Variants in SUGCT observed in about 807,000 individuals in gnomAD.
SUGCT encodes succinyl-CoA:glutarate-CoA transferase.
SUGCT carries 41 observed loss-of-function variants against 55.0 expected under a neutral mutation model. The observed-to-expected ratio is 0.74, with a 90% confidence interval of 0.58 to 0.97. The LOEUF (loss-of-function observed/expected upper bound fraction) is 0.97. Among genes scored for constraint, SUGCT ranks in the 50% least tolerant of loss-of-function variants. The probability of loss-of-function intolerance (pLI) is 0.00; values close to 1 mark genes in which losing one functional copy is unlikely to be tolerated. For missense variants in SUGCT, 568 were observed against 547.8 expected (o/e 1.04, Z -0.37); for synonymous variants, 187 against 200.4 (o/e 0.93, Z 0.56).
the SUGCT span, among the ~76,000 whole-genome samples, chr7:41,024,054 G>T: frequency 6.6e-6 from 1 of 152,198 alleles, no homozygotes; most frequent in African/African-American, 2.4e-5. Context: ...AAGACAACAT[G>T]CATGTATGTG....
At chr7:40,235,448 C>T (rs1194189030) in intron 6 of SUGCT, among the ~76,000 whole-genome samples, 2 of 152,158 alleles carry the variant, frequency 1.3e-5, no homozygotes, top group Admixed American at 1.3e-4. Flanking sequence ...CTGTCTTAGC[C>T]TCCCAAGTAG....
At chr7:40,514,474 C>T (rs920832208) in intron 12 of SUGCT, among the ~76,000 whole-genome samples, 2 of 151,738 alleles carry the variant, frequency 1.3e-5, no homozygotes, top group East Asian at 1.9e-4. Flanking sequence ...TTTGAGAGGC[C>T]GAGGAGGCTG....
At chr7:40,405,149 T>G (rs981243757) in intron 9 of SUGCT, among the ~76,000 whole-genome samples, 3 of 152,184 alleles carry the variant, frequency 2.0e-5, no homozygotes, top group Non-Finnish European at 4.4e-5. Flanking sequence ...AGTGTTTAAA[T>G]AGCCAGGCCT....
intron 1 of SUGCT, among the ~76,000 whole-genome samples, chr7:40,141,151 T>A (rs1375850523): frequency 6.6e-6 from 1 of 152,052 alleles, no homozygotes; most frequent in Non-Finnish European, 1.5e-5. Context: ...GGTAGAACAT[T>A]ATTGGTGAAC....
chr7:40,627,321 T>C (rs763612686), intron 12 of SUGCT, among the ~76,000 whole-genome samples: 2 of 152,198 alleles, frequency 1.3e-5, no homozygotes, highest in African/African-American at 4.8e-5. Flanking sequence ...TCTTCTTGGG[T>C]CCAAATACCT....
intron 13 of SUGCT, among the ~76,000 whole-genome samples, chr7:40,799,986 A>G (rs1408717676): frequency 6.6e-6 from 1 of 152,194 alleles, no homozygotes; most frequent in African/African-American, 2.4e-5. Flanking sequence ...CTTTCTTAGC[A>G]CAAGTGCTAC....
chr7:40,666,984 G>GAT (rs1291089083), intron 12 of SUGCT, among the ~76,000 whole-genome samples: 1 of 151,664 alleles, frequency 6.6e-6, no homozygotes, highest in Non-Finnish European at 1.5e-5. Context: ...ATGTGGGGTT[G>GAT]CACGCCTGTG....
At chr7:40,601,447 T>A (rs1798282664) in intron 12 of SUGCT, among the ~76,000 whole-genome samples, 1 of 152,212 alleles carries the variant, frequency 6.6e-6, no homozygotes, top group Admixed American at 6.5e-5. Context: ...GATAAAATAA[T>A]ACTGCTTAGA....
chr7:40,651,621 C>G (rs182228410), intron 12 of SUGCT, among the ~76,000 whole-genome samples: 3 of 152,164 alleles, frequency 2.0e-5, no homozygotes, highest in Admixed American at 2.0e-4. Flanking sequence ...TTACACATGA[C>G]TTTCTTCATC....
At chr7:40,701,590 C>T (rs1338873191) in intron 12 of SUGCT, among the ~76,000 whole-genome samples, 1 of 152,232 alleles carries the variant, frequency 6.6e-6, no homozygotes. Flanking sequence ...TAGAGAAATA[C>T]ATAGTAGTTA....
chr7:40,703,190 G>A (rs555979257), intron 12 of SUGCT, among the ~76,000 whole-genome samples: 15 of 151,126 alleles, frequency 9.9e-5, no homozygotes, highest in African/African-American at 3.2e-4. Context: ...TCAGCCTCCC[G>A]AGTAGCTGGG....
the SUGCT span, among the ~76,000 whole-genome samples, chr7:40,957,394 G>T: frequency 6.9e-6 from 1 of 144,128 alleles, no homozygotes; most frequent in Admixed American, 6.9e-5. Context: ...TGTCTTTTTT[G>T]ATCTTTGTTG....
chr7:40,179,474 G>A (rs1043825129), intron 1 of SUGCT, among the ~76,000 whole-genome samples: 1 of 151,950 alleles, frequency 6.6e-6, no homozygotes, highest in Middle Eastern at 3.4e-3. Flanking sequence ...TGCATTTTTA[G>A]TGGAGACAGG....
chr7:40,408,723 G>T (rs1786509573), intron 9 of SUGCT, among the ~76,000 whole-genome samples: 1 of 151,972 alleles, frequency 6.6e-6, no homozygotes, highest in Admixed American at 6.6e-5. Flanking sequence ...TGGAAATTTG[G>T]AGAGCTCAGG....
chr7:40,815,649 C>A (rs1338215967), intron 13 of SUGCT, among the ~76,000 whole-genome samples: 2 of 152,146 alleles, frequency 1.3e-5, no homozygotes, highest in Non-Finnish European at 2.9e-5. Context: ...GCATCTGGAT[C>A]TCTGCATAGG....
chr7:40,549,032 G>T (rs952402052), intron 12 of SUGCT, among the ~76,000 whole-genome samples: 2 of 152,234 alleles, frequency 1.3e-5, no homozygotes, highest in East Asian at 3.9e-4. Flanking sequence ...ATTCAAGTGG[G>T]CATACTCTTT....
intron 6 of SUGCT, among the ~76,000 whole-genome samples, chr7:40,229,883 A>G (rs1024051036): frequency 6.6e-6 from 1 of 152,052 alleles, no homozygotes; most frequent in African/African-American, 2.4e-5. Flanking sequence ...ATCCTACACT[A>G]GAAAATGAGT....
rs575340503 is a variant in SUGCT, at chr7:40,718,709, T to A, written c.1090-30725T>A. Among the ~76,000 whole-genome samples, 5 of 152,336 alleles carry A rather than the reference T, an allele frequency of 3.3e-5. No individual in the cohort carries two copies. In the South Asian group the frequency reaches 1.0e-3, roughly 32 times the overall value. On this transcript the variant is annotated intron_variant, in intron 12 of 13. Coordinates refer to ENST00000335693, the MANE Select transcript of SUGCT (RefSeq NM_001193313.2). ...TGTATATGTAAACATTTAAAAATGA[T>A]TTTGCATTGACTTTTTTTCAGAAAA...
At chr7:40,321,125 G>T (rs1795712239) in intron 9 of SUGCT, among the ~76,000 whole-genome samples, 1 of 85,782 alleles carries the variant, frequency 1.2e-5, no homozygotes, top group African/African-American at 3.0e-5. Context: ...CACCCAGGCT[G>T]GAGTGTATGG....
Sources: allele counts gnomAD v4.1 joint callset (sites outside exome capture counted in the v4.1 genomes callset), GRCh38; gene constraint gnomAD v4.1.1; transcripts MANE v1.5; gene names NCBI Gene and HGNC (gene_info 2026-07-23, HGNC 2026-07-21).